Variants in TIAM2 observed in about 807,000 individuals in gnomAD.
The protein encoded by TIAM2 is TIAM Rac1 associated GEF 2.
TIAM2 carries 80 observed loss-of-function variants against 152.9 expected under a neutral mutation model. The ratio of observed to expected loss-of-function variants is 0.52; its 90% confidence interval spans 0.44 to 0.63. The LOEUF is 0.63. Among genes scored for constraint, TIAM2 ranks in the 30% least tolerant of loss-of-function variants. TIAM2 has a pLI of 0.00. For synonymous variants in TIAM2, 804 were observed against 838.0 expected, an observed-to-expected ratio of 0.96 and a Z score of 0.70; for missense variants, 1,965 against 2,120.1, an observed-to-expected ratio of 0.93 and a Z score of 1.44.
intron 14 of TIAM2, among the ~76,000 whole-genome samples, chr6:155,203,103 G>A (rs767915162): frequency 1.4e-5 from 2 of 142,700 alleles, no homozygotes; most frequent in Non-Finnish European, 3.0e-5. Flanking sequence ...CTTTGCAAAT[G>A]TTCAATGTGC....
intron 2 of TIAM2, among the ~76,000 whole-genome samples, chr6:155,102,767 T>TTGTGTGTGTG (rs56117781): frequency 1.4e-4 from 20 of 145,652 alleles, no homozygotes; most frequent in African/African-American, 4.8e-4. Flanking sequence ...GATTAATTTA[T>TTGTGTGTGTG]TGTGTGTGTG....
At chr6:155,120,938 A>T (rs1779136051) in intron 2 of TIAM2, among the ~76,000 whole-genome samples, 1 of 152,168 alleles carries the variant, frequency 6.6e-6, no homozygotes, top group Admixed American at 6.5e-5. Context: ...TTATTTTCTT[A>T]CATTTCCTAA....
At chr6:155,020,051 G>GC (rs1206624840) in intron 1 of TIAM2, among the ~76,000 whole-genome samples, 3 of 150,046 alleles carry the variant, frequency 2.0e-5, no homozygotes, top group African/African-American at 7.4e-5. Context: ...TACTCCGTCT[G>GC]CAAAAAAAAA....
At chr6:155,187,490 A>G (rs1052178598) in intron 14 of TIAM2, among the ~76,000 whole-genome samples, 1 of 151,562 alleles carries the variant, frequency 6.6e-6, no homozygotes, top group Non-Finnish European at 1.5e-5. Flanking sequence ...CTTAATGAAA[A>G]TGCAGATTCC....
intron 5 of TIAM2, among the ~76,000 whole-genome samples, chr6:155,141,574 A>G (rs1418275817): frequency 6.6e-6 from 1 of 152,160 alleles, no homozygotes; most frequent in Non-Finnish European, 1.5e-5. Context: ...AAGGCTTTGG[A>G]GGATGTAATA....
chr6:155,221,709 T>C (rs1163573064), intron 15 of TIAM2, among the ~76,000 whole-genome samples: 2 of 152,112 alleles, frequency 1.3e-5, no homozygotes, highest in African/African-American at 4.8e-5. Context: ...GAAGATGGGG[T>C]TGAACGGCAA....
chr6:155,184,009 G>A (rs1780974294), intron 14 of TIAM2, among the ~76,000 whole-genome samples: 2 of 150,920 alleles, frequency 1.3e-5, no homozygotes, highest in African/African-American at 4.9e-5. Flanking sequence ...TTTTTTTTGA[G>A]ACAGAGTCTC....
chr6:155,007,471 G>A (rs970841979), intron 1 of TIAM2, among the ~76,000 whole-genome samples: 4 of 150,720 alleles, frequency 2.7e-5, no homozygotes, highest in Admixed American at 6.6e-5. Context: ...TGCAAGCTCC[G>A]CCTCCCGGGT....
intron 7 of TIAM2, among the ~76,000 whole-genome samples, chr6:155,150,807 G>A (rs115135758): frequency 0.013 from 2,037 of 152,060 alleles, 42 homozygotes; most frequent in African/African-American, 0.045. Flanking sequence ...GGATCTTTCC[G>A]GGCCGCGTTT....
rs376492865 is a variant in TIAM2, at chr6:155,110,018, C to T, written c.-117-17472C>T. Reference sequence around the variant, plus strand: ...AGGCTGGAGTGCAGTGGTGTAATCTCGGCTCACTGCAACCTCCACCTCTGG... The same window carrying T: ...AGGCTGGAGTGCAGTGGTGTAATCTTGGCTCACTGCAACCTCCACCTCTGG... On this transcript the variant is annotated intron_variant, in intron 2 of 26. Coordinates refer to ENST00000682666, the MANE Select transcript of TIAM2 (RefSeq NM_012454.4). Among the ~76,000 whole-genome samples the T allele has an allele frequency of 1.2e-3, 172 of 149,544 alleles. 1 individual carries two copies. In the South Asian group the frequency reaches 0.035, roughly 31 times the overall value.
chr6:155,178,566 G>GTATTTATT (rs200721004), intron 10 of TIAM2, among the ~76,000 whole-genome samples: 3 of 151,778 alleles, frequency 2.0e-5, no homozygotes, highest in South Asian at 2.1e-4. Context: ...TTGCATACAA[G>GTATTTATT]TATTTATTTA....
At chr6:155,002,673 T>TTTTA (rs140724297) in intron 1 of TIAM2, among the ~76,000 whole-genome samples, 75 of 150,260 alleles carry the variant, frequency 5.0e-4, no homozygotes, top group African/African-American at 1.6e-3. Flanking sequence ...GCTTTGCTTG[T>TTTTA]TTTATTTATT....
At chr6:155,251,829 G>A in intron 22 of TIAM2, 116 bp from the exon 23 acceptor site, 2 of 765,876 alleles carry the variant, frequency 2.6e-6, no homozygotes, top group Non-Finnish European at 2.2e-6. Context: ...GGCAGAGTGA[G>A]GTCTTAGAGA....
chr6:155,249,974 G>A lies in TIAM2; in HGVS notation c.3951+5G>A, dbSNP rs546320720. On this transcript the variant is annotated splice_donor_5th_base_variant and intron_variant, in intron 21 of 26. Coordinates refer to ENST00000682666, the MANE Select transcript of TIAM2 (RefSeq NM_012454.4). Reference sequence around the variant, plus strand: ...CAGAGCGGAACAGAGAAGGAGGTCCGTGAGACATCTGCACCCTGGGAGCCT... The same window carrying A: ...CAGAGCGGAACAGAGAAGGAGGTCCATGAGACATCTGCACCCTGGGAGCCT... 3.1e-6 allele frequency: 5 copies of A among 1,608,658 alleles called. No homozygotes were observed. In the East Asian group the frequency reaches 6.7e-5, roughly 22 times the overall value.
intron 1 of TIAM2, among the ~76,000 whole-genome samples, chr6:155,018,587 G>A (rs1420942547): frequency 1.3e-5 from 2 of 149,426 alleles, no homozygotes; most frequent in African/African-American, 2.5e-5. Flanking sequence ...CCACTGCACT[G>A]CAGCCTGGGT....
chr6:155,201,071 C>G (rs1002485662), intron 14 of TIAM2, among the ~76,000 whole-genome samples: 1 of 152,142 alleles, frequency 6.6e-6, no homozygotes, highest in African/African-American at 2.4e-5. Flanking sequence ...CAATGTGTAA[C>G]CTGTCATGTC....
intron 15 of TIAM2, among the ~76,000 whole-genome samples, chr6:155,226,009 A>G (rs1782226889): frequency 6.6e-6 from 1 of 152,230 alleles, no homozygotes; most frequent in Non-Finnish European, 1.5e-5. Flanking sequence ...GATGTTTTAT[A>G]TACTTATAAC....
chr6:155,103,723 C>CAAAAAAA (rs759945340), intron 2 of TIAM2, among the ~76,000 whole-genome samples: 1 of 59,868 alleles, frequency 1.7e-5, no homozygotes, highest in Admixed American at 2.4e-4. Context: ...GACTCTGTCT[C>CAAAAAAA]AAAAAAAAAA....
At chr6:155,028,150 T>TG (rs1477450902) in intron 1 of TIAM2, among the ~76,000 whole-genome samples, 13 of 108,970 alleles carry the variant, frequency 1.2e-4, no homozygotes, top group South Asian at 3.0e-4. Context: ...ATATGTACTG[T>TG]TACATATATA....
Sources: allele counts gnomAD v4.1 joint callset (sites outside exome capture counted in the v4.1 genomes callset), GRCh38; gene constraint gnomAD v4.1.1; transcripts MANE v1.5; gene names NCBI Gene and HGNC (gene_info 2026-07-23, HGNC 2026-07-21).